DPP8: variants seen among roughly 807,000 people sequenced by gnomAD.
The protein encoded by DPP8 is dipeptidyl peptidase 8.
In DPP8, 31 loss-of-function variants were observed where a neutral mutation model predicts 107.5. The ratio of observed to expected loss-of-function variants is 0.29; its 90% confidence interval spans 0.22 to 0.39. DPP8 has a LOEUF of 0.39. DPP8 is among the 10% of genes least tolerant of loss of function. The pLI, the probability that DPP8 is intolerant of heterozygous loss-of-function variation, is 1.00. For missense variants in DPP8, 842 were observed against 1,076.1 expected (o/e 0.78, Z 3.04); for synonymous variants, 381 against 356.6 (o/e 1.07, Z -0.77).
In DPP8 at chr15:65,491,160, C is replaced by CAAA. The variant is rs764574499; in HGVS notation, c.716-864_716-862dup. Among the ~76,000 whole-genome samples, 502 of 54,740 alleles carry CAAA rather than the reference C, an allele frequency of 9.2e-3. 19 individuals carry two copies. The highest frequency in any genetic ancestry group is 0.028 in the African/African-American group (446 of 15,762). The allele number at this position is 54,740 out of a possible 152,430, so 35.9% of individuals were successfully genotyped here. ...TGGGTGACAGAACAAGACTCCGTCT[C>CAAA]AAAAAAAAAAAAAAAAAAAAAAGAT... On this transcript the variant is annotated intron_variant, in intron 5 of 19. Coordinates refer to ENST00000300141, the MANE Select transcript of DPP8 (RefSeq NM_130434.5).
chr15:65,460,283 A>T (rs1479280892), intron 15 of DPP8, among the ~76,000 whole-genome samples: 1 of 151,948 alleles, frequency 6.6e-6, no homozygotes, highest in Non-Finnish European at 1.5e-5. Flanking sequence ...CTCTACTAAA[A>T]ATACAAAAAA....
intron 18 of DPP8, 75 bp downstream of exon 18, chr15:65,451,885 A>T: frequency 7.0e-7 from 1 of 1,423,604 alleles, no homozygotes; most frequent in Non-Finnish European, 9.3e-7. Flanking sequence ...TGATCATGCC[A>T]CTACACTCCA....
At position 65,507,284 on chromosome 15, in the gene DPP8, C is replaced by T. The variant is rs1405632820; in HGVS notation, c.331G>A (p.Val111Ile). 1 of 1,611,738 alleles carries T rather than the reference C, an allele frequency of 6.2e-7. No homozygotes were observed. The highest frequency in any genetic ancestry group is 8.5e-7 in the Non-Finnish European group (1 of 1,178,624). ...AGAGGCTTCCAAGAGAGCATTAAGA[C>T]TGCTGCTCTATTGATAGTTTTGGGA... ...EIPKTINRAA[V>I]LMLSWKPLLD... The change falls in exon 3 of 20, where the codon GTC becomes ATC. Residue 111 changes from valine (V) to isoleucine (I), a missense_variant. By Grantham distance (29) the Val-to-Ile change is conservative. Around this residue, in one of 2 missense-constraint regions of DPP8, gnomAD observed 663 missense variants for 758.0 expected, o/e 0.87. Transcript: ENST00000300141.
At chr15:65,466,057 CTCAAGT>C (rs1286419059) in intron 14 of DPP8, among the ~76,000 whole-genome samples, 2 of 152,140 alleles carry the variant, frequency 1.3e-5, no homozygotes, top group Non-Finnish European at 2.9e-5. Context: ...TACTATTCTC[CTCAAGT>C]TCATTTGTTT....
chr15:65,452,401 C>T (rs773899807), intron 17 of DPP8, among the ~76,000 whole-genome samples: 20 of 151,764 alleles, frequency 1.3e-4, no homozygotes, highest in Non-Finnish European at 2.8e-4. Context: ...TATCCTGCTA[C>T]TGAGGAAAAA....
chr15:65,459,819 G>T (rs2064762036), intron 15 of DPP8, among the ~76,000 whole-genome samples: 1 of 151,990 alleles, frequency 6.6e-6, no homozygotes, highest in Non-Finnish European at 1.5e-5. Context: ...GCCAGGTATG[G>T]TGCTGCGCAC....
chr15:65,462,727 G>A (rs1458541096), intron 15 of DPP8, among the ~76,000 whole-genome samples: 2 of 152,056 alleles, frequency 1.3e-5, no homozygotes, highest in African/African-American at 2.4e-5. Flanking sequence ...TTTTAGGCAC[G>A]CACTACCACG....
intron 12 of DPP8, among the ~76,000 whole-genome samples, chr15:65,468,512 C>T (rs2065560375): frequency 6.6e-6 from 1 of 150,776 alleles, no homozygotes; most frequent in African/African-American, 2.4e-5. Context: ...AAAAAAAATT[C>T]AAATTTTTTA....
At chr15:65,482,181 G>A (rs561285095) in intron 8 of DPP8, among the ~76,000 whole-genome samples, 1 of 150,912 alleles carries the variant, frequency 6.6e-6, no homozygotes, top group African/African-American at 2.4e-5. Context: ...TACAGGTAAG[G>A]TGTGTGCTTG....
chr15:65,485,566 AAAAG>A (rs1354391684), intron 7 of DPP8, among the ~76,000 whole-genome samples: 90 of 148,674 alleles, frequency 6.1e-4, no homozygotes, highest in African/African-American at 2.0e-3. Flanking sequence ...AAAAAAAAAG[AAAAG>A]AAAGAAAGAG....
chr15:65,509,203 T>C (rs1270679294), intron 2 of DPP8, among the ~76,000 whole-genome samples: 2 of 152,234 alleles, frequency 1.3e-5, no homozygotes, highest in Non-Finnish European at 2.9e-5. Context: ...GTTGCTTTGC[T>C]ATAGAATTCT....
At chr15:65,460,429 C>T (rs559435408) in intron 15 of DPP8, among the ~76,000 whole-genome samples, 2 of 151,850 alleles carry the variant, frequency 1.3e-5, no homozygotes, top group East Asian at 2.0e-4. Context: ...GAAGACAGAG[C>T]GAGACTGTCT....
intron 2 of DPP8, among the ~76,000 whole-genome samples, chr15:65,510,144 C>T (rs1363217502): frequency 6.6e-6 from 1 of 151,656 alleles, no homozygotes; most frequent in Non-Finnish European, 1.5e-5. Context: ...CGAAACCCGT[C>T]TCTACAAAAA....
intron 19 of DPP8, 94 bp downstream of exon 19, chr15:65,450,905 C>T (rs920521727): frequency 6.4e-6 from 5 of 778,698 alleles, no homozygotes; most frequent in African/African-American, 5.2e-5. Flanking sequence ...GGTGGACACT[C>T]TAAAAATCTG....
intron 1 of DPP8, among the ~76,000 whole-genome samples, chr15:65,514,238 A>G (rs16948788): frequency 0.056 from 8,486 of 152,314 alleles, 813 homozygotes; most frequent in African/African-American, 0.19. Flanking sequence ...TAACAGTAAC[A>G]AAGTGGCCAG....
At chr15:65,506,367 T>C (rs2069989334) in intron 3 of DPP8, among the ~76,000 whole-genome samples, 1 of 152,000 alleles carries the variant, frequency 6.6e-6, no homozygotes, top group Non-Finnish European at 1.5e-5. Context: ...AAATACTCAC[T>C]GTAAAAATAA....
chr15:65,508,412 C>T (rs1481793164), intron 2 of DPP8, among the ~76,000 whole-genome samples: 1 of 152,130 alleles, frequency 6.6e-6, no homozygotes. Context: ...GAAGCCAAAT[C>T]TCTTCTGCAA....
At chr15:65,479,610 C>A (rs1018237681) in intron 10 of DPP8, among the ~76,000 whole-genome samples, 1 of 151,258 alleles carries the variant, frequency 6.6e-6, no homozygotes, top group Non-Finnish European at 1.5e-5. Flanking sequence ...TTTGGGAGGC[C>A]GAGGCGGGTG....
At chr15:65,464,795 A>G (rs1333769037) in intron 14 of DPP8, among the ~76,000 whole-genome samples, 3 of 152,210 alleles carry the variant, frequency 2.0e-5, no homozygotes, top group Non-Finnish European at 4.4e-5. Context: ...GAGCCTAGGA[A>G]ATGTCTATGT....
Sources: allele counts gnomAD v4.1 joint callset (sites outside exome capture counted in the v4.1 genomes callset), GRCh38; gene constraint gnomAD v4.1.1; regional missense constraint gnomAD v4.1.1; transcripts MANE v1.5; gene names NCBI Gene and HGNC (gene_info 2026-07-23, HGNC 2026-07-21).